Variants in ARAP2 observed in about 807,000 individuals in gnomAD.
ARAP2 encodes ArfGAP with RhoGAP domain, ankyrin repeat and PH domain 2.
Under a neutral mutation model 194.5 loss-of-function variants are expected in ARAP2, and 148 were observed. That is an observed-to-expected ratio of 0.76 (90% CI 0.67 to 0.87). ARAP2 has a LOEUF of 0.87. ARAP2 is among the 40% of genes least tolerant of loss of function. The pLI is 0.00. For missense variants in ARAP2, 2,128 were observed against 1,989.7 expected (o/e 1.07, Z -1.32); for synonymous variants, 695 against 683.5 (o/e 1.02, Z -0.26).
intron 19 of ARAP2, among the ~76,000 whole-genome samples, chr4:36,135,275 T>C (rs1726415420): frequency 6.6e-6 from 1 of 151,798 alleles, no homozygotes; most frequent in Non-Finnish European, 1.5e-5. Context: ...TGTAATCTTT[T>C]ACATTTCTGA....
At chr4:36,228,039 A>T (rs1468519546) in intron 2 of ARAP2, among the ~76,000 whole-genome samples, 1 of 152,168 alleles carries the variant, frequency 6.6e-6, no homozygotes, top group Non-Finnish European at 1.5e-5. Context: ...GTCTGTCACC[A>T]TCTTTTTACA....
chr4:36,072,159 C>A (rs1727141838), intron 32 of ARAP2, among the ~76,000 whole-genome samples: 1 of 151,522 alleles, frequency 6.6e-6, no homozygotes, highest in South Asian at 2.1e-4. Context: ...TTATGTTTTT[C>A]CAAAATTAAA....
intron 2 of ARAP2, among the ~76,000 whole-genome samples, chr4:36,226,498 G>GT (rs1750336976): frequency 6.6e-6 from 1 of 151,774 alleles, no homozygotes; most frequent in Non-Finnish European, 1.5e-5. Context: ...TTAAAAAAAC[G>GT]TATCTTTTAA....
chr4:36,239,404 G>T (rs1382785398), intron 1 of ARAP2, among the ~76,000 whole-genome samples: 2 of 152,154 alleles, frequency 1.3e-5, no homozygotes, highest in Non-Finnish European at 2.9e-5. Context: ...TGGATGAATG[G>T]ATAAATAAAG....
At chr4:36,078,370 C>T (rs1418619238) in intron 31 of ARAP2, among the ~76,000 whole-genome samples, 1 of 152,102 alleles carries the variant, frequency 6.6e-6, no homozygotes, top group East Asian at 1.9e-4. Flanking sequence ...TAGATGACTT[C>T]TGAGGCAGGG....
chr4:36,215,390 G>GA (rs1747710416), intron 2 of ARAP2, among the ~76,000 whole-genome samples: 1 of 152,180 alleles, frequency 6.6e-6, no homozygotes, highest in Non-Finnish European at 1.5e-5. Flanking sequence ...TCTCAATGAT[G>GA]AAAAGAAATG....
intron 19 of ARAP2, among the ~76,000 whole-genome samples, chr4:36,136,370 A>G (rs2109633804): frequency 6.6e-6 from 1 of 151,978 alleles, no homozygotes; most frequent in Middle Eastern, 3.4e-3. Flanking sequence ...AAAGCCATAT[A>G]AAGAAAAATT....
At chr4:36,139,688 C>T (rs1727759021) in intron 19 of ARAP2, among the ~76,000 whole-genome samples, 1 of 151,568 alleles carries the variant, frequency 6.6e-6, no homozygotes, top group African/African-American at 2.4e-5. Flanking sequence ...AAGCTTTCAA[C>T]TTCCTTGTAA....
At chr4:36,021,066 G>C (rs969972265) in intron 5 of ARAP2, among the ~76,000 whole-genome samples, 1 of 152,126 alleles carries the variant, frequency 6.6e-6, no homozygotes, top group South Asian at 2.1e-4. Context: ...AAGATGATAC[G>C]TATCCTTGGA....
intron 31 of ARAP2, among the ~76,000 whole-genome samples, chr4:36,074,882 T>A (rs1027754911): frequency 1.2e-4 from 17 of 144,742 alleles, no homozygotes; most frequent in African/African-American, 4.9e-4. Flanking sequence ...ACTGCCAAGC[T>A]GTATGTTTAT....
chr4:36,151,465 A>G (rs1730953835), intron 15 of ARAP2, among the ~76,000 whole-genome samples: 1 of 152,246 alleles, frequency 6.6e-6, no homozygotes, highest in South Asian at 2.1e-4. Context: ...ATGCTTGTTC[A>G]GAAGATTTCA....
In ARAP2 at chr4:36,160,651, CAA is replaced by C; in HGVS notation, c.2260-12_2260-11del. 1 of 1,167,684 alleles carries C rather than the reference CAA, an allele frequency of 8.6e-7. No individual in the cohort carries two copies. Among genetic ancestry groups the C allele is most frequent in the Non-Finnish European group, 1.1e-6 (1 of 897,032 alleles). 72.3% of individuals were successfully genotyped at this position (1,167,684 alleles called of 1,614,324 possible). A position where few individuals can be genotyped will look rare whatever the true frequency, so the allele number is the denominator to read the frequency against. On this transcript the variant is annotated splice_polypyrimidine_tract_variant and intron_variant, in intron 12 of 32. Transcript: ENST00000303965. ...CAATGACAATAAAAAGCTGAATTGT[CAA>C]AAAAAAAACCCCATAATATATCAGT...
At chr4:36,010,293 T>C (rs116433242) in intron 9 of ARAP2, among the ~76,000 whole-genome samples, 1,598 of 151,946 alleles carry the variant, frequency 0.011, 31 homozygotes, top group African/African-American at 0.037. Flanking sequence ...ATATTACATA[T>C]ATATACTATT....
In ARAP2 at chr4:36,180,976, T is replaced by C. The variant is rs147909033; in HGVS notation, c.1679-2971A>G. Among the ~76,000 whole-genome samples, 511 of 152,382 alleles carry C rather than the reference T, an allele frequency of 3.4e-3. 2 individuals carry two copies. Among genetic ancestry groups the C allele is most frequent in the Middle Eastern group, 0.014 (4 of 294 alleles). On this transcript the variant is annotated intron_variant, in intron 8 of 32. Transcript: ENST00000303965. Reference sequence around the variant, plus strand: ...GTCAACTGTATTTGGCCGTGCAATGTGTGCATCCTGAGATATGGGGGAATA... The same window carrying C: ...GTCAACTGTATTTGGCCGTGCAATGCGTGCATCCTGAGATATGGGGGAATA...
intron 31 of ARAP2, 113 bp downstream of exon 31, chr4:36,080,103 T>G (rs1047816246): frequency 7.8e-6 from 6 of 773,650 alleles, no homozygotes; most frequent in African/African-American, 3.6e-5. Flanking sequence ...TTATGCCAAT[T>G]GTACATACAT....
chr4:36,076,799 T>A (rs73806435), intron 31 of ARAP2, among the ~76,000 whole-genome samples: 1,989 of 152,260 alleles, frequency 0.013, 45 homozygotes, highest in African/African-American at 0.045. Context: ...CCAGCATACA[T>A]ATCTGTGTAT....
chr4:36,221,412 G>A (rs900141808), intron 2 of ARAP2, among the ~76,000 whole-genome samples: 4 of 151,920 alleles, frequency 2.6e-5, no homozygotes, highest in African/African-American at 9.7e-5. Flanking sequence ...CACAGAAAGG[G>A]GTTAGGTCAC....
At chr4:36,218,953 T>G (rs985313236) in intron 2 of ARAP2, among the ~76,000 whole-genome samples, 1 of 152,194 alleles carries the variant, frequency 6.6e-6, no homozygotes. Context: ...GATATAAATG[T>G]AGCAAAAGGT....
chr4:36,206,811 C>A (rs1169036746), intron 6 of ARAP2, among the ~76,000 whole-genome samples: 1 of 152,160 alleles, frequency 6.6e-6, no homozygotes, highest in Non-Finnish European at 1.5e-5. Flanking sequence ...CAACTTTTAG[C>A]TGTCTCAGGC....
Sources: gnomAD v4.1 joint callset for allele counts (sites outside exome capture counted in the v4.1 genomes callset) on GRCh38, gnomAD v4.1.1 for gene constraint, MANE v1.5 for transcripts, NCBI Gene and HGNC (gene_info 2026-07-23, HGNC 2026-07-21) for gene names.